Variants in CNNM3 observed in about 807,000 individuals in gnomAD.
CNNM3 encodes cyclin and CBS domain divalent metal cation transport mediator 3.
Under a neutral mutation model 57.1 loss-of-function variants are expected in CNNM3, and 47 were observed. The observed-to-expected ratio is 0.82, with a 90% CI of 0.65 to 1.05. The LOEUF is 1.05. Ranked by LOEUF, CNNM3 falls within the 50% of genes least tolerant of loss-of-function variation. The pLI is 0.00. For missense variants in CNNM3, 957 were observed against 973.7 expected (o/e 0.98, Z 0.23); for synonymous variants, 507 against 478.2 (o/e 1.06, Z -0.79).
intron 7 of CNNM3, among the ~76,000 whole-genome samples, chr2:96,830,539 G>C (rs544560633): frequency 2.0e-5 from 3 of 152,218 alleles, no homozygotes; most frequent in Non-Finnish European, 4.4e-5. Flanking sequence ...CAGGTGCAAG[G>C]GACAGAAATC....
At chr2:96,821,132 C>T (rs181567290) in intron 1 of CNNM3, among the ~76,000 whole-genome samples, 159 of 152,260 alleles carry the variant, frequency 1.0e-3, no homozygotes, top group African/African-American at 3.6e-3. Flanking sequence ...TTCCCCGCTC[C>T]TGTGGTGAGT....
Position 96,817,409 on chromosome 2 carries a change from C to T in CNNM3, c.1132C>T (p.Pro378Ser). 6.2e-7 allele frequency: 1 copy of T among 1,614,150 alleles called. No individual in the cohort carries two copies. The highest frequency in any genetic ancestry group is 8.5e-7 in the Non-Finnish European group (1 of 1,180,040). The change falls in exon 1 of 8, where the codon CCG (proline) becomes TCG (serine). Residue 378 changes from proline to serine, a missense_variant. This residue lies in a region of CNNM3 where 491 missense variants were observed against 570.6 expected (regional missense o/e 0.86). Coordinates refer to ENST00000305510, the MANE Select transcript of CNNM3 (RefSeq NM_017623.5). ...LAFVDPEDCT[P>S]LSTITRFYNH... is the part of the protein sequence containing the mutation. ...CTTCGTGGATCCCGAAGACTGCACG[C>T]CGCTCAGCACCATCACTCGTTTCTA... is the stretch of plus-strand genomic sequence containing the variant.
Position 96,816,558 on chromosome 2 carries a change from CG to C in CNNM3, c.284del (p.Gly95AlafsTer62). 1 of 1,317,416 alleles carries C rather than the reference CG, an allele frequency of 7.6e-7. No individual in the cohort carries two copies. The allele number at this position is 1,317,416 out of a possible 1,614,324, so 81.6% of individuals were successfully genotyped here. On this transcript the variant is annotated frameshift_variant, in exon 1 of 8. Coordinates refer to ENST00000305510, the MANE Select transcript of CNNM3 (RefSeq NM_017623.5). LOFTEE classifies it high-confidence loss of function. ...TGCCGGGAGGAGGCGGCCTCCCCCG[CG>C]GGCGAGTGGCGCGCGCTGCTGCGCT... ...AGCREEAASP[A>X]GEWRALLRLR...
At chr2:96,820,436 A>G (rs1175654509) in intron 1 of CNNM3, among the ~76,000 whole-genome samples, 2 of 152,222 alleles carry the variant, frequency 1.3e-5, no homozygotes, top group African/African-American at 2.4e-5. Context: ...AGTGGGAGGC[A>G]GAATAGGAGT....
intron 2 of CNNM3, 56 bp downstream of exon 2, chr2:96,825,257 C>A (rs377434913): frequency 6.3e-7 from 1 of 1,589,424 alleles, no homozygotes; most frequent in Non-Finnish European, 8.6e-7. Flanking sequence ...CTTCCCCAGG[C>A]GTATGTTGCG....
downstream of CNNM3, chr2:96,837,327 C>A (rs553939260): frequency 6.6e-6 from 1 of 152,332 alleles, no homozygotes; most frequent in East Asian, 1.9e-4. Flanking sequence ...GTCTAGCAAT[C>A]CATGAACATG....
In CNNM3 at chr2:96,834,479, G is replaced by C. The variant is rs2079657886; in HGVS notation, c.*1863G>C. Reference sequence around the variant, plus strand: ...GCCACCTCAGCCTCCTGAGTAGTAGGGACTACAGGTAGGCACCACCACACC... The same window carrying C: ...GCCACCTCAGCCTCCTGAGTAGTAGCGACTACAGGTAGGCACCACCACACC... On this transcript the variant is annotated 3_prime_UTR_variant, in exon 8 of 8. Transcript: ENST00000305510. 6.6e-6 allele frequency among the ~76,000 whole-genome samples: 1 copy of C among 151,700 alleles called. No individual in the cohort carries two copies. Among genetic ancestry groups the C allele is most frequent in the Non-Finnish European group, 1.5e-5 (1 of 67,954 alleles).
At chr2:96,820,869 A>G (rs910838318) in intron 1 of CNNM3, among the ~76,000 whole-genome samples, 12 of 152,132 alleles carry the variant, frequency 7.9e-5, no homozygotes, top group Non-Finnish European at 1.8e-4. Flanking sequence ...TCAGATTGAA[A>G]TGCAGGTTGA....
chr2:96,834,250 C>A lies in CNNM3; in HGVS notation c.*1634C>A, dbSNP rs2079652637. On this transcript the variant is annotated 3_prime_UTR_variant, in exon 8 of 8. Coordinates refer to ENST00000305510, the MANE Select transcript of CNNM3 (RefSeq NM_017623.5). ...TTGGCTGCACACCAGAATCACCTGG[C>A]AAATTAAAAATACGTGGACCTGCCA... Among the ~76,000 whole-genome samples the A allele has an allele frequency of 6.6e-6, 1 of 151,878 alleles. No individual in the cohort carries two copies. The highest frequency in any genetic ancestry group is 2.4e-5 in the African/African-American group (1 of 41,350).
chr2:96,817,442 C>T lies in CNNM3; in HGVS notation c.1165C>T (p.Pro389Ser), dbSNP rs781182520. Residue 389 changes from proline (P) to serine (S), a missense_variant, in exon 1 of 8, where the codon CCG (proline) becomes TCG (serine). Physicochemically the swap from Pro to Ser is moderately conservative, Grantham distance 74 (BLOSUM62 -1). This residue lies in a region of CNNM3 where 491 missense variants were observed against 570.6 expected (regional missense o/e 0.86). Transcript: ENST00000305510. ...LSTITRFYNH[P>S]LHFVFNDTKL... is the part of the protein sequence containing the mutation. ...CACCATCACTCGTTTCTACAACCAT[C>T]CGCTCCACTTCGTCTTCAACGACAC... 3 of 1,614,062 alleles carry T rather than the reference C, an allele frequency of 1.9e-6. No homozygotes were observed. Among genetic ancestry groups the T allele is most frequent in the Non-Finnish European group, 2.5e-6 (3 of 1,180,002 alleles).
At position 96,827,857 on chromosome 2, in the gene CNNM3, A is replaced by G; in HGVS notation, c.1646A>G (p.Tyr549Cys). The G allele has an allele frequency of 6.2e-7, 1 of 1,614,082 alleles. No individual in the cohort carries two copies. ...SNRLATHHYL[Y>C]QRSQPVDYFI... ...CGGCTGGCCACACACCACTACCTGT[A>G]CCAGCGCAGCCAGCCGGTGGATTAC... Residue 549 changes from tyrosine to cysteine, a missense_variant, in exon 4 of 8, where the codon TAC (tyrosine) becomes TGC (cysteine). Physicochemically the swap from Tyr to Cys is radical, Grantham distance 194 (BLOSUM62 -2). Transcript: ENST00000305510.
At position 96,816,305 on chromosome 2, in the gene CNNM3, C is replaced by T. The variant is rs373318478; in HGVS notation, c.28C>T (p.Arg10Trp). 6.4e-5 allele frequency: 82 copies of T among 1,287,580 alleles called. No homozygotes were observed. In the African/African-American group the frequency reaches 7.5e-4, roughly 12 times the overall value. The allele number at this position is 1,287,580 out of a possible 1,614,324, so 79.8% of individuals were successfully genotyped here. The change falls in exon 1 of 8, where the codon CGG becomes TGG. Residue 10 changes from arginine to tryptophan, a missense_variant. This residue lies in a region of CNNM3 where 466 missense variants were observed against 403.1 expected (regional missense o/e 1.16). Coordinates refer to ENST00000305510, the MANE Select transcript of CNNM3 (RefSeq NM_017623.5). ...GGCGGCGGCGGTAGCTGCGGCGGGT[C>T]GGTTAGGCTGGTTGTTCGCCGCGCT... is the stretch of plus-strand genomic sequence containing the variant. MAAAVAAAG[R>W]LGWLFAALCL... is the part of the protein sequence containing the mutation.
In CNNM3 at chr2:96,817,277, G is replaced by C. The variant is rs760811058; in HGVS notation, c.1000G>C (p.Asp334His). Residue 334 changes from aspartate to histidine, a missense_variant, in exon 1 of 8, where the codon GAC (aspartate) becomes CAC (histidine). By Grantham distance (81) the Asp-to-His change is moderately conservative. Transcript: ENST00000305510. ...CATGCTGGACGCCAGCACCGTGCTGGACTTCGGCGTCCTGGCCAGCATCAT... is the reference window on the plus strand; with the variant it reads ...CATGCTGGACGCCAGCACCGTGCTGCACTTCGGCGTCCTGGCCAGCATCAT... ...CFMLDASTVL[D>H]FGVLASIMQS... The C allele has an allele frequency of 2.7e-5, 43 of 1,612,876 alleles. No homozygotes were observed. The highest frequency in any genetic ancestry group is 3.4e-5 in the Non-Finnish European group (40 of 1,180,020).
intron 1 of CNNM3, among the ~76,000 whole-genome samples, chr2:96,824,170 A>G (rs1326141612): frequency 6.6e-6 from 1 of 152,194 alleles, no homozygotes; most frequent in African/African-American, 2.4e-5. Context: ...GAGACATAGT[A>G]AATTCCTGAA....
At position 96,816,341 on chromosome 2, in the gene CNNM3, A is replaced by G; in HGVS notation, c.64A>G (p.Asn22Asp). 1 of 1,290,714 alleles carries G rather than the reference A, an allele frequency of 7.7e-7. No individual in the cohort carries two copies. The highest frequency in any genetic ancestry group is 9.8e-7 in the Non-Finnish European group (1 of 1,019,228). The allele number at this position is 1,290,714 out of a possible 1,614,324, so 80.0% of individuals were successfully genotyped here. A position where few individuals can be genotyped will look rare whatever the true frequency, so the allele number is the denominator to read the frequency against. Reference protein sequence around the residue: ...GWLFAALCLGNAAGEAAPGPR... With the variant: ...GWLFAALCLGDAAGEAAPGPR... ...GTTGTTCGCCGCGCTCTGCCTGGGC[A>G]ACGCCGCGGGGGAGGCCGCGCCGGG... is the stretch of plus-strand genomic sequence containing the variant. The change falls in exon 1 of 8, where the codon AAC (asparagine) becomes GAC (aspartate). Residue 22 changes from asparagine to aspartate, a missense_variant. Physicochemically the swap from Asn to Asp is conservative, Grantham distance 23 (BLOSUM62 1). Coordinates refer to ENST00000305510, the MANE Select transcript of CNNM3 (RefSeq NM_017623.5).
At position 96,816,749 on chromosome 2, in the gene CNNM3, G is replaced by A. The variant is rs1365963189; in HGVS notation, c.472G>A (p.Ala158Thr). ...GCTGGCGCGAGGCCTGCAGCTGAGC[G>A]CGCTGGCGCTGGCGCCTGCCGAGGT... ...AALARGLQLS[A>T]LALAPAEVQV... is the part of the protein sequence containing the mutation. The change falls in exon 1 of 8, where the codon GCG becomes ACG. Residue 158 changes from alanine to threonine, a missense_variant. Physicochemically the swap from Ala to Thr is moderately conservative, Grantham distance 58 (BLOSUM62 0). Around this residue, in one of 2 missense-constraint regions of CNNM3, gnomAD observed 466 missense variants for 403.1 expected, o/e 1.16. Transcript: ENST00000305510. 4 of 1,016,134 alleles carry A rather than the reference G, an allele frequency of 3.9e-6. No individual in the cohort carries two copies. Among genetic ancestry groups the A allele is most frequent in the East Asian group, 9.8e-5 (1 of 10,248 alleles). 62.9% of individuals were successfully genotyped at this position (1,016,134 alleles called of 1,614,324 possible).
intron 7 of CNNM3, chr2:96,832,031 G>A (rs1016625992): frequency 5.1e-6 from 5 of 987,964 alleles, no homozygotes; most frequent in Non-Finnish European, 6.0e-6. Flanking sequence ...AATGACTGTG[G>A]ACTAGTGCGC....
chr2:96,816,695 G>T lies in CNNM3; in HGVS notation c.418G>T (p.Gly140Trp). ...GGCGCCGCCCTGGGCTCTGGGCCTG[G>T]GGGCGGCCGGGCTGCTGGCGCTGGC... ...EAAPPWALGL[G>W]AAGLLALAAL... Residue 140 changes from glycine to tryptophan, a missense_variant, in exon 1 of 8, where the codon GGG becomes TGG. By Grantham distance (184) the Gly-to-Trp change is radical. Transcript: ENST00000305510. The T allele has an allele frequency of 3.9e-6, 4 of 1,015,138 alleles. No individual in the cohort carries two copies. Among genetic ancestry groups the T allele is most frequent in the Non-Finnish European group, 4.7e-6 (4 of 851,444 alleles). The allele number at this position is 1,015,138 out of a possible 1,614,324, so 62.9% of individuals were successfully genotyped here.
intron 1 of CNNM3, among the ~76,000 whole-genome samples, chr2:96,820,178 A>G (rs934358780): frequency 6.6e-6 from 1 of 152,146 alleles, no homozygotes; most frequent in African/African-American, 2.4e-5. Context: ...AACCTGAACA[A>G]GGTTCATGGC....
Sources: gnomAD v4.1 joint callset for allele counts (sites outside exome capture counted in the v4.1 genomes callset) on GRCh38, gnomAD v4.1.1 for gene constraint, gnomAD v4.1.1 regional missense constraint, MANE v1.5 for transcripts, NCBI Gene and HGNC (gene_info 2026-07-23, HGNC 2026-07-21) for gene names.